ZDHHC2: variants seen among roughly 807,000 people sequenced by gnomAD.
ZDHHC2 encodes zDHHC palmitoyltransferase 2.
ZDHHC2 carries 51 observed loss-of-function variants against 55.6 expected under a neutral mutation model. The observed-to-expected ratio is 0.92, with a 90% CI of 0.73 to 1.16. ZDHHC2 has a LOEUF of 1.16. ZDHHC2 is among the 50% of genes most tolerant of loss of function. The pLI is 0.00. For synonymous variants in ZDHHC2, 199 were observed against 152.9 expected, an observed-to-expected ratio of 1.30 and a Z score of -2.22; for missense variants, 491 against 442.4, an observed-to-expected ratio of 1.11 and a Z score of -0.99.
At chr8:17,168,865 A>G (rs536788483) in intron 1 of ZDHHC2, among the ~76,000 whole-genome samples, 2 of 152,242 alleles carry the variant, frequency 1.3e-5, no homozygotes, top group African/African-American at 2.4e-5. Flanking sequence ...ATGTGTCAGA[A>G]TTTCATTTTT....
At chr8:17,179,333 C>T (rs1162346299) in intron 1 of ZDHHC2, among the ~76,000 whole-genome samples, 1 of 152,124 alleles carries the variant, frequency 6.6e-6, no homozygotes, top group Non-Finnish European at 1.5e-5. Flanking sequence ...AACTGGTGAC[C>T]CAATCTACAA....
In ZDHHC2 at chr8:17,213,381, G is replaced by C. The variant is rs577232772; in HGVS notation, c.951-1856G>C. Among the ~76,000 whole-genome samples the C allele has an allele frequency of 3.9e-5, 6 of 151,988 alleles. No homozygotes were observed. The East Asian group carries it at 1.2e-3, about 29-fold the overall frequency. On this transcript the variant is annotated intron_variant, in intron 10 of 12. Coordinates refer to ENST00000262096, the MANE Select transcript of ZDHHC2 (RefSeq NM_016353.5). ...CAATTCTATTGCCTCAGCCTCCCCA[G>C]TAGCTGGAATTACATGTACACCACA...
chr8:17,156,629 AGCCCGTCCAGCCAGGGGTGCCGG>A lies in ZDHHC2; in HGVS notation c.-89_-67del, dbSNP rs1342774604. On this transcript the variant is annotated 5_prime_UTR_variant, in exon 1 of 13. Transcript: ENST00000262096. ...GCAGCGCACCCCGCCGCCGCCCAGG[AGCCCGTCCAGCCAGGGGTGCCGG>A]GCCCGCCCAGCCCGCCCCGGAGCCA... The A allele has an allele frequency of 5.0e-6, 5 of 991,480 alleles. No homozygotes were observed. In the East Asian group the frequency reaches 2.1e-4, roughly 42 times the overall value. 61.4% of individuals were successfully genotyped at this position (991,480 alleles called of 1,614,324 possible).
In ZDHHC2 at chr8:17,166,305, AGATTT is replaced by A. The variant is rs548179404; in HGVS notation, c.130+9455_130+9459del. Among the ~76,000 whole-genome samples the A allele has an allele frequency of 4.6e-5, 7 of 152,328 alleles. No individual in the cohort carries two copies. The South Asian group carries it at 1.5e-3, about 32-fold the overall frequency. On this transcript the variant is annotated intron_variant, in intron 1 of 12. Transcript: ENST00000262096. ...AGTAGCGACAGCAGAACTCACAGAC[AGATTT>A]GAGTTGTGTAAGAAAGAAAGGAGTC...
intron 1 of ZDHHC2, among the ~76,000 whole-genome samples, chr8:17,161,097 A>G (rs560597790): frequency 6.6e-5 from 10 of 152,206 alleles, no homozygotes; most frequent in Non-Finnish European, 1.2e-4. Flanking sequence ...CAAACAAGAA[A>G]ACAAACATCC....
At chr8:17,181,898 C>G (rs957789926) in intron 1 of ZDHHC2, among the ~76,000 whole-genome samples, 1 of 152,044 alleles carries the variant, frequency 6.6e-6, no homozygotes, top group Non-Finnish European at 1.5e-5. Flanking sequence ...TGAACAGTTA[C>G]TTTTGAACAA....
chr8:17,156,926 C>G (rs1804084825), intron 1 of ZDHHC2, 73 bp downstream of exon 1: 1 of 1,347,944 alleles, frequency 7.4e-7, no homozygotes, highest in Non-Finnish European at 9.7e-7. Flanking sequence ...CGCTCAGCCG[C>G]TCCTCCGCTC....
At chr8:17,185,495 T>TA (rs952810391) in intron 2 of ZDHHC2, among the ~76,000 whole-genome samples, 122 of 143,318 alleles carry the variant, frequency 8.5e-4, no homozygotes, top group Admixed American at 1.7e-3. Flanking sequence ...TGTCTCTACT[T>TA]AAAAAAAAAA....
rs751993061 is a variant in ZDHHC2, at chr8:17,156,698, G to A, written c.-26G>A. ...AGCCAGGCCCGCGGGCGGCGGCGGA[G>A]CTGGGCAGGTGGATGCGGCTGGAAG... On this transcript the variant is annotated 5_prime_UTR_variant, in exon 1 of 13. Transcript: ENST00000262096. 58 of 1,382,624 alleles carry A rather than the reference G, an allele frequency of 4.2e-5. 1 individual carries two copies. The highest frequency in any genetic ancestry group is 8.6e-5 in the Admixed American group (3 of 34,970). The allele number at this position is 1,382,624 out of a possible 1,614,324, so 85.6% of individuals were successfully genotyped here.
intron 3 of ZDHHC2, among the ~76,000 whole-genome samples, chr8:17,189,541 A>G (rs1212933105): frequency 1.3e-5 from 2 of 152,230 alleles, no homozygotes; most frequent in Non-Finnish European, 2.9e-5. Context: ...GGAAGAAGTT[A>G]TTCATACACA....
At chr8:17,170,705 G>T (rs1804816785) in intron 1 of ZDHHC2, among the ~76,000 whole-genome samples, 1 of 152,078 alleles carries the variant, frequency 6.6e-6, no homozygotes, top group African/African-American at 2.4e-5. Context: ...TCTCAGCATT[G>T]TCCTTTATGA....
At chr8:17,195,801 G>A (rs562663667) in intron 4 of ZDHHC2, among the ~76,000 whole-genome samples, 177 bp downstream of exon 4, 3 of 152,260 alleles carry the variant, frequency 2.0e-5, no homozygotes, top group African/African-American at 4.8e-5. Flanking sequence ...ATGGAAACAC[G>A]AATAGCACTG....
rs1228079494 is a variant in ZDHHC2 at position 17,198,400 on chromosome 8, C to T, written c.463C>T (p.His155Tyr). ...VCDKCILKMD[H>Y]HCPWVNNCVG... ...TTTTAGATGTATTTTGAAGATGGAT[C>T]ATCATTGTCCATGGTGAGTTGGCTG... Residue 155 changes from histidine to tyrosine, a missense_variant, in exon 6 of 13, where the codon CAT becomes TAT. By Grantham distance (83) the His-to-Tyr change is moderately conservative. Coordinates refer to ENST00000262096, the MANE Select transcript of ZDHHC2 (RefSeq NM_016353.5). 4 of 1,601,538 alleles carry T rather than the reference C, an allele frequency of 2.5e-6. No individual in the cohort carries two copies. The highest frequency in any genetic ancestry group is 1.7e-5 in the Admixed American group (1 of 58,320).
Position 17,220,365 on chromosome 8 carries a change from C to G in ZDHHC2, c.*144C>G, listed in dbSNP as rs1333457921. The G allele has an allele frequency of 6.6e-6, 1 of 152,064 alleles. No homozygotes were observed. Among genetic ancestry groups the G allele is most frequent in the Non-Finnish European group, 1.5e-5 (1 of 68,000 alleles). The allele number at this position is 152,064 out of a possible 1,614,324, so 9.4% of individuals were successfully genotyped here. ...TGCAGAATATGAATTGATTAGTTCTCTCCAAGCCATTGCTTAAAATATAAC... is the reference window on the plus strand; with the variant it reads ...TGCAGAATATGAATTGATTAGTTCTGTCCAAGCCATTGCTTAAAATATAAC... On this transcript the variant is annotated 3_prime_UTR_variant, in exon 13 of 13. Transcript: ENST00000262096.
At chr8:17,182,687 CT>C in intron 1 of ZDHHC2, among the ~76,000 whole-genome samples, 1 of 152,222 alleles carries the variant, frequency 6.6e-6, no homozygotes, top group East Asian at 1.9e-4. Flanking sequence ...AAAACAAAGT[CT>C]TTGAATGCAT....
chr8:17,186,685 A>G (rs1805727752), intron 3 of ZDHHC2, among the ~76,000 whole-genome samples: 1 of 152,180 alleles, frequency 6.6e-6, no homozygotes, highest in African/African-American at 2.4e-5. Flanking sequence ...ATCAGGATGG[A>G]TGGATAGGTA....
At position 17,221,074 on chromosome 8, in the gene ZDHHC2, A is replaced by G. The variant is rs964468239; in HGVS notation, c.*853A>G. Reference sequence around the variant, plus strand: ...TTTTAGATTATTTCTCCTGTTGAACATAGTAAAACTATTGAATTTCTCTTA... The same window carrying G: ...TTTTAGATTATTTCTCCTGTTGAACGTAGTAAAACTATTGAATTTCTCTTA... On this transcript the variant is annotated 3_prime_UTR_variant, in exon 13 of 13. Transcript: ENST00000262096. The G allele has an allele frequency of 2.0e-5, 3 of 152,546 alleles. No homozygotes were observed. The highest frequency in any genetic ancestry group is 7.2e-5 in the African/African-American group (3 of 41,460). The allele number at this position is 152,546 out of a possible 1,614,324, so 9.4% of individuals were successfully genotyped here.
At chr8:17,180,348 A>C (rs1164130044) in intron 1 of ZDHHC2, among the ~76,000 whole-genome samples, 3 of 152,188 alleles carry the variant, frequency 2.0e-5, no homozygotes, top group African/African-American at 7.2e-5. Context: ...CTGAAATGAC[A>C]CATCCGTTTA....
chr8:17,199,226 T>A (rs982966041), intron 6 of ZDHHC2, among the ~76,000 whole-genome samples: 2 of 152,212 alleles, frequency 1.3e-5, no homozygotes, highest in African/African-American at 4.8e-5. Flanking sequence ...TGTAGGATTA[T>A]GGTATCCTGT....
Sources: allele counts gnomAD v4.1 joint callset (sites outside exome capture counted in the v4.1 genomes callset), GRCh38; gene constraint gnomAD v4.1.1; transcripts MANE v1.5; gene names NCBI Gene and HGNC (gene_info 2026-07-23, HGNC 2026-07-21).